The following LSAMP variants were observed in gnomAD, a reference collection of about 807,000 sequenced individuals.
The protein encoded by LSAMP is limbic system-associated membrane protein.
Under a neutral mutation model 38.6 loss-of-function variants are expected in LSAMP, and 7 were observed. That is an observed-to-expected ratio of 0.18 (90% CI 0.10 to 0.34). The LOEUF is 0.34. Among genes scored for constraint, LSAMP ranks in the 10% least tolerant of loss-of-function variants. The probability of loss-of-function intolerance (pLI) is 1.00; values close to 1 mark genes in which losing one functional copy is unlikely to be tolerated. For synonymous variants in LSAMP, 154 were observed against 166.8 expected (o/e 0.92, Z 0.59); for missense variants, 313 against 420.0 (o/e 0.75, Z 2.23).
intron 1 of LSAMP, among the ~76,000 whole-genome samples, chr3:116,200,435 G>A (rs1008872866): frequency 6.6e-6 from 1 of 152,178 alleles, no homozygotes; most frequent in Non-Finnish European, 1.5e-5. Context: ...CCTAATAACA[G>A]TGGATTTTTC....
intron 4 of LSAMP, among the ~76,000 whole-genome samples, chr3:115,850,928 A>T (rs1005018341): frequency 6.6e-6 from 1 of 151,934 alleles, no homozygotes; most frequent in Non-Finnish European, 1.5e-5. Context: ...TCATAGGTTT[A>T]AAATGGCTGT....
chr3:115,821,815 C>T (rs1055000524), intron 6 of LSAMP, among the ~76,000 whole-genome samples: 1 of 152,122 alleles, frequency 6.6e-6, no homozygotes, highest in Non-Finnish European at 1.5e-5. Context: ...GGAGATCATA[C>T]CTGCTGCTGC....
chr3:116,313,674 T>G (rs1232989191), intron 1 of LSAMP, among the ~76,000 whole-genome samples: 1 of 152,160 alleles, frequency 6.6e-6, no homozygotes, highest in Non-Finnish European at 1.5e-5. Flanking sequence ...TAGAATGTGG[T>G]CAGGCACAGT....
rs530848997 is a variant in LSAMP at position 116,227,461 on chromosome 3, G to A, written c.156-140905C>T. Among the ~76,000 whole-genome samples, 8 of 152,212 alleles carry A rather than the reference G, an allele frequency of 5.3e-5. No individual in the cohort carries two copies. In the East Asian group the frequency reaches 5.8e-4, roughly 11 times the overall value. ...ATAAACTTAGCACAATACCAAATAC[G>A]AATCAGACAGTAAACTAATATTTGT... On this transcript the variant is annotated intron_variant, in intron 1 of 6. Transcript: ENST00000490035.
chr3:115,825,471 A>G (rs1934377426), intron 6 of LSAMP, among the ~76,000 whole-genome samples: 1 of 152,210 alleles, frequency 6.6e-6, no homozygotes, highest in South Asian at 2.1e-4. Context: ...AACTAAAATA[A>G]AAACCTACCA....
intron 1 of LSAMP, among the ~76,000 whole-genome samples, chr3:116,383,580 C>A (rs191896357): frequency 1.8e-4 from 27 of 152,024 alleles, no homozygotes; most frequent in Admixed American, 1.2e-3. Context: ...CTCGTCATTA[C>A]TTTTTGCAAT....
chr3:116,335,098 C>A (rs1056332618), intron 1 of LSAMP, among the ~76,000 whole-genome samples: 1 of 151,914 alleles, frequency 6.6e-6, no homozygotes, highest in African/African-American at 2.4e-5. Flanking sequence ...ATAATCTACA[C>A]AGGAAATTAC....
chr3:115,891,117 G>A (rs1425750495), intron 3 of LSAMP, among the ~76,000 whole-genome samples: 1 of 151,922 alleles, frequency 6.6e-6, no homozygotes, highest in African/African-American at 2.4e-5. Context: ...TATATGTGAA[G>A]GGAAGGCTGG....
intron 1 of LSAMP, among the ~76,000 whole-genome samples, chr3:116,182,172 G>A (rs568557129): frequency 6.6e-6 from 1 of 151,934 alleles, no homozygotes; most frequent in East Asian, 1.9e-4. Flanking sequence ...GTAGGTACTG[G>A]TAGATTCCAA....
intron 2 of LSAMP, among the ~76,000 whole-genome samples, chr3:116,080,245 A>C (rs991919550): frequency 6.6e-6 from 1 of 152,146 alleles, no homozygotes; most frequent in African/African-American, 2.4e-5. Context: ...GTATAGGTGA[A>C]TATTAGTTAA....
chr3:116,314,519 A>T (rs1441993046), intron 1 of LSAMP, among the ~76,000 whole-genome samples: 1 of 152,250 alleles, frequency 6.6e-6, no homozygotes, highest in Non-Finnish European at 1.5e-5. Context: ...TTTACTTAGC[A>T]TCCCCCATCC....
At chr3:116,236,934 G>A (rs192398360) in intron 1 of LSAMP, among the ~76,000 whole-genome samples, 48 of 150,230 alleles carry the variant, frequency 3.2e-4, no homozygotes, top group South Asian at 6.3e-4. Context: ...AAAATGCAAT[G>A]TCTTTACAAC....
chr3:116,246,979 T>A (rs1313667374), intron 1 of LSAMP, among the ~76,000 whole-genome samples: 5 of 152,186 alleles, frequency 3.3e-5, no homozygotes, highest in African/African-American at 1.2e-4. Flanking sequence ...CATCCCCGAT[T>A]TTTTTGTGAC....
chr3:116,393,537 G>A (rs2048729876), intron 1 of LSAMP, among the ~76,000 whole-genome samples: 1 of 152,162 alleles, frequency 6.6e-6, no homozygotes. Flanking sequence ...TGGGACCCAG[G>A]CTGGTAGTGT....
intron 3 of LSAMP, among the ~76,000 whole-genome samples, chr3:115,884,813 T>C (rs2107441705): frequency 6.6e-6 from 1 of 151,944 alleles, no homozygotes; most frequent in Non-Finnish European, 1.5e-5. Flanking sequence ...GTCAATAACA[T>C]AAAAAAGAAT....
chr3:116,185,573 A>G (rs986227089), intron 1 of LSAMP, among the ~76,000 whole-genome samples: 3 of 152,002 alleles, frequency 2.0e-5, no homozygotes, highest in African/African-American at 7.2e-5. Context: ...GATGTCCCTT[A>G]TGTATCTTCC....
intron 1 of LSAMP, among the ~76,000 whole-genome samples, chr3:116,438,355 A>C (rs2107885125): frequency 6.6e-6 from 1 of 152,340 alleles, no homozygotes; most frequent in African/African-American, 2.4e-5. Flanking sequence ...TGATCATAAA[A>C]ATAGCTTGTG....
chr3:116,166,947 G>T lies in LSAMP; in HGVS notation c.156-80391C>A, dbSNP rs201451183. On this transcript the variant is annotated intron_variant, in intron 1 of 6. Coordinates refer to ENST00000490035, the MANE Select transcript of LSAMP (RefSeq NM_002338.5). ...CTAGGACTACAGGCGCCCGCCACCAGGCCCGGCTAATTTTTTTGTATTTTT... is the reference window on the plus strand; with the variant it reads ...CTAGGACTACAGGCGCCCGCCACCATGCCCGGCTAATTTTTTTGTATTTTT... 2.0e-3 allele frequency among the ~76,000 whole-genome samples: 305 copies of T among 151,592 alleles called. 4 individuals carry two copies. In the East Asian group the frequency reaches 0.025, roughly 12 times the overall value.
intron 3 of LSAMP, among the ~76,000 whole-genome samples, chr3:115,971,158 G>C (rs536657321): frequency 5.6e-4 from 86 of 152,250 alleles, no homozygotes; most frequent in Non-Finnish European, 9.3e-4. Context: ...CTGTGATCCT[G>C]GAGTGATGAA....
Sources: allele counts gnomAD v4.1 joint callset (sites outside exome capture counted in the v4.1 genomes callset), GRCh38; gene constraint gnomAD v4.1.1; transcripts MANE v1.5; gene names NCBI Gene and HGNC (gene_info 2026-07-23, HGNC 2026-07-21).